The following NFIA variants were observed in gnomAD, a reference collection of about 807,000 sequenced individuals.
NFIA encodes nuclear factor 1 A-type.
In NFIA, 8 loss-of-function variants were observed where a neutral mutation model predicts 62.8. The observed-to-expected ratio is 0.13, with a 90% CI of 0.07 to 0.23. The LOEUF is 0.23. NFIA is among the 10% of genes least tolerant of loss of function. NFIA has a pLI of 1.00. For synonymous variants in NFIA, 235 were observed against 238.1 expected, an observed-to-expected ratio of 0.99 and a Z score of 0.12; for missense variants, 410 against 642.1, an observed-to-expected ratio of 0.64 and a Z score of 3.91.
At chr1:61,212,335 G>T (rs942069358) in intron 2 of NFIA, among the ~76,000 whole-genome samples, 3 of 152,068 alleles carry the variant, frequency 2.0e-5, no homozygotes, top group Non-Finnish European at 4.4e-5. Flanking sequence ...TTACTCCAAG[G>T]ACAGTGTAAT....
At chr1:61,419,928 T>G (rs932333130) in intron 9 of NFIA, among the ~76,000 whole-genome samples, 3 of 152,196 alleles carry the variant, frequency 2.0e-5, no homozygotes, top group Admixed American at 6.5e-5. Flanking sequence ...GTAACTTGTT[T>G]GTAGAGACAA....
chr1:61,328,718 C>G (rs1206387696), intron 3 of NFIA, among the ~76,000 whole-genome samples: 2 of 136,954 alleles, frequency 1.5e-5, no homozygotes, highest in African/African-American at 5.9e-5. Flanking sequence ...CGCACCCGGC[C>G]TATAATTTTT....
chr1:61,433,234 A>G (rs1667183416), intron 10 of NFIA, among the ~76,000 whole-genome samples: 1 of 152,172 alleles, frequency 6.6e-6, no homozygotes, highest in African/African-American at 2.4e-5. Flanking sequence ...CTGTTAGTTC[A>G]TGTCTCTGTA....
At chr1:61,366,349 A>G (rs1663587327) in intron 6 of NFIA, among the ~76,000 whole-genome samples, 2 of 152,192 alleles carry the variant, frequency 1.3e-5, no homozygotes, top group Non-Finnish European at 2.9e-5. Context: ...CTTTTCAGTG[A>G]AGTTCAGTAC....
intron 4 of NFIA, among the ~76,000 whole-genome samples, chr1:61,346,923 A>C (rs1479836967): frequency 3.9e-5 from 6 of 152,180 alleles, no homozygotes; most frequent in Admixed American, 3.9e-4. Flanking sequence ...CAAAGGGGGA[A>C]GCCCCTTATA....
At chr1:61,150,931 G>A (rs930467613) in intron 2 of NFIA, among the ~76,000 whole-genome samples, 2 of 152,168 alleles carry the variant, frequency 1.3e-5, no homozygotes, top group Non-Finnish European at 2.9e-5. Flanking sequence ...GAGGGTGATT[G>A]GAGGGGTTTG....
At chr1:61,120,303 C>T (rs1263355060) in intron 2 of NFIA, among the ~76,000 whole-genome samples, 1 of 152,298 alleles carries the variant, frequency 6.6e-6, no homozygotes, top group East Asian at 1.9e-4. Flanking sequence ...GAGCCACTCA[C>T]ATAAGCTTAC....
At chr1:61,110,728 A>G (rs535053213) in intron 2 of NFIA, among the ~76,000 whole-genome samples, 1 of 152,232 alleles carries the variant, frequency 6.6e-6, no homozygotes, top group South Asian at 2.1e-4. Flanking sequence ...CCATGGTGAA[A>G]TGACAAGAAT....
intron 2 of NFIA, among the ~76,000 whole-genome samples, chr1:61,147,217 C>T (rs1475694464): frequency 1.3e-5 from 2 of 151,736 alleles, no homozygotes; most frequent in Non-Finnish European, 2.9e-5. Flanking sequence ...TTGGTGCAAT[C>T]TTGGTTCACT....
At chr1:61,208,548 C>T (rs987089620) in intron 2 of NFIA, among the ~76,000 whole-genome samples, 1 of 152,128 alleles carries the variant, frequency 6.6e-6, no homozygotes, top group African/African-American at 2.4e-5. Context: ...GTCAGGAAGA[C>T]CTGAGTTTGA....
chr1:61,090,958 A>G (rs1646309591), intron 2 of NFIA, among the ~76,000 whole-genome samples: 1 of 152,242 alleles, frequency 6.6e-6, no homozygotes, highest in Non-Finnish European at 1.5e-5. Flanking sequence ...CGGTCAACTT[A>G]CATACAACTG....
At chr1:61,170,909 T>G (rs570762267) in intron 2 of NFIA, among the ~76,000 whole-genome samples, 2 of 15,052 alleles carry the variant, frequency 1.3e-4, no homozygotes, top group East Asian at 0.012. Context: ...TGTTTCAGTT[T>G]CATAAAAAAA....
intron 2 of NFIA, among the ~76,000 whole-genome samples, chr1:61,265,881 G>T (rs1657130190): frequency 6.6e-6 from 1 of 152,182 alleles, no homozygotes; most frequent in Non-Finnish European, 1.5e-5. Context: ...GCTATTTGCG[G>T]TCATTTATAA....
intron 2 of NFIA, among the ~76,000 whole-genome samples, chr1:61,156,043 A>G (rs1648797592): frequency 6.6e-6 from 1 of 152,162 alleles, no homozygotes; most frequent in African/African-American, 2.4e-5. Context: ...CTGTGACAGG[A>G]GAACTGTTTG....
At chr1:61,391,463 C>T (rs1378250444) in intron 7 of NFIA, among the ~76,000 whole-genome samples, 2 of 151,410 alleles carry the variant, frequency 1.3e-5, no homozygotes, top group Non-Finnish European at 3.0e-5. Context: ...CACACACACA[C>T]ACACACACAC....
chr1:61,377,238 A>G (rs1237687673), intron 6 of NFIA, among the ~76,000 whole-genome samples: 1 of 151,964 alleles, frequency 6.6e-6, no homozygotes, highest in Admixed American at 6.6e-5. Flanking sequence ...AAAGAAAGAA[A>G]GAGAAGAAAA....
intron 2 of NFIA, among the ~76,000 whole-genome samples, chr1:61,189,621 G>A (rs1557624869): frequency 6.6e-6 from 1 of 151,908 alleles, no homozygotes; most frequent in East Asian, 1.9e-4. Flanking sequence ...GCCGAGATCG[G>A]GCCACTGCAC....
In NFIA at chr1:61,082,690, C is replaced by T. The variant is rs1406350341; in HGVS notation, c.-102C>T. The stretch of plus-strand genomic sequence containing the variant: ...TCCCCCCTTCTCTCTCTCTCTCTCT[C>T]TCTCTCTTCCTCTCTCCCTCTTTCT... On this transcript the variant is annotated 5_prime_UTR_variant, in exon 1 of 11. Coordinates refer to ENST00000403491, the MANE Select transcript of NFIA (RefSeq NM_001134673.4). The T allele has an allele frequency of 6.5e-7, 1 of 1,541,296 alleles. No individual in the cohort carries two copies. The highest frequency in any genetic ancestry group is 1.4e-5 in the African/African-American group (1 of 72,342).
At chr1:61,224,965 A>G (rs887546155) in intron 2 of NFIA, among the ~76,000 whole-genome samples, 4 of 152,092 alleles carry the variant, frequency 2.6e-5, no homozygotes, top group Admixed American at 6.5e-5. Context: ...CATAATTTTG[A>G]GTATTGGAAA....
Sources: allele counts gnomAD v4.1 joint callset (sites outside exome capture counted in the v4.1 genomes callset), GRCh38; gene constraint gnomAD v4.1.1; transcripts MANE v1.5; gene names NCBI Gene and HGNC (gene_info 2026-07-23, HGNC 2026-07-21).